The following PCCA variants were observed in gnomAD, a reference collection of about 807,000 sequenced individuals.
The protein encoded by PCCA is propionyl-CoA carboxylase alpha chain, mitochondrial.
Under a neutral mutation model 101.3 loss-of-function variants are expected in PCCA, and 74 were observed. The observed-to-expected ratio is 0.73, with a 90% CI of 0.61 to 0.89. The LOEUF (loss-of-function observed/expected upper bound fraction) is 0.89. Among genes scored for constraint, PCCA ranks in the 40% least tolerant of loss-of-function variants. PCCA has a pLI of 0.00. For synonymous variants in PCCA, 294 were observed against 313.6 expected, an observed-to-expected ratio of 0.94 and a Z score of 0.66; for missense variants, 891 against 907.0, an observed-to-expected ratio of 0.98 and a Z score of 0.23.
At chr13:100,459,227 A>AT (rs2082011898) in intron 21 of PCCA, among the ~76,000 whole-genome samples, 1 of 152,154 alleles carries the variant, frequency 6.6e-6, no homozygotes, top group Non-Finnish European at 1.5e-5. Context: ...CATTTAACTC[A>AT]TTATGTCTGC....
At chr13:100,456,645 T>TA (rs1371429214) in intron 21 of PCCA, among the ~76,000 whole-genome samples, 1 of 128,254 alleles carries the variant, frequency 7.8e-6, no homozygotes, top group African/African-American at 3.8e-5. Flanking sequence ...CCCTCTTAGG[T>TA]AGCCGAAGCT....
Position 100,301,589 on chromosome 13 carries a change from C to G in PCCA, c.1195C>G (p.Arg399Gly), listed in dbSNP as rs1234167788. ...IRINGWAVEC[R>G]VYAEDPYKSF... ...CATCAACGGCTGGGCAGTTGAATGTCGGGTTTATGCTGAGGTAAAATGAAT... is the reference window on the plus strand; with the variant it reads ...CATCAACGGCTGGGCAGTTGAATGTGGGGTTTATGCTGAGGTAAAATGAAT... Residue 399 changes from arginine (R) to glycine (G), a missense_variant, in exon 13 of 24, where the codon CGG (arginine) becomes GGG (glycine). Physicochemically the swap from Arg to Gly is moderately radical, Grantham distance 125. Transcript: ENST00000376285. 2 of 1,613,914 alleles carry G rather than the reference C, an allele frequency of 1.2e-6. No individual in the cohort carries two copies. Among genetic ancestry groups the G allele is most frequent in the Admixed American group, 1.7e-5 (1 of 59,998 alleles).
intron 21 of PCCA, among the ~76,000 whole-genome samples, chr13:100,487,624 A>C (rs1381021470): frequency 1.3e-5 from 2 of 152,194 alleles, no homozygotes; most frequent in Non-Finnish European, 2.9e-5. Context: ...TCTCAAATGG[A>C]ATTTGACCAC....
chr13:100,302,695 A>G (rs1391628552), intron 13 of PCCA, among the ~76,000 whole-genome samples: 4 of 152,326 alleles, frequency 2.6e-5, no homozygotes, highest in African/African-American at 9.6e-5. Context: ...ACCAATTTCA[A>G]TAAAGTATGA....
At chr13:100,253,572 A>T (rs1175901317) in intron 8 of PCCA, among the ~76,000 whole-genome samples, 1 of 152,242 alleles carries the variant, frequency 6.6e-6, no homozygotes, top group African/African-American at 2.4e-5. Context: ...AACTGAGTCC[A>T]GAAAAGTAGC....
intron 4 of PCCA, among the ~76,000 whole-genome samples, chr13:100,112,733 T>C (rs1000241648): frequency 6.6e-6 from 1 of 152,020 alleles, no homozygotes; most frequent in African/African-American, 2.4e-5. Context: ...CCTGCCATCA[T>C]GCCTGGCTGA....
chr13:100,497,025 G>A (rs977948674), intron 21 of PCCA, among the ~76,000 whole-genome samples: 1 of 152,172 alleles, frequency 6.6e-6, no homozygotes, highest in Admixed American at 6.5e-5. Context: ...ACGGGAGGCT[G>A]GAAGCAAAGG....
chr13:100,375,881 T>C (rs1368696636), intron 19 of PCCA, among the ~76,000 whole-genome samples: 3 of 152,208 alleles, frequency 2.0e-5, no homozygotes, highest in African/African-American at 7.2e-5. Context: ...AACAGTGTGC[T>C]GTATTCAGGA....
chr13:100,378,923 A>T (rs192975605), intron 19 of PCCA, among the ~76,000 whole-genome samples: 41 of 151,892 alleles, frequency 2.7e-4, no homozygotes, highest in African/African-American at 9.2e-4. Flanking sequence ...CTGGAATGTG[A>T]ATTTCTTTTG....
At chr13:100,282,853 C>T (rs2064249643) in intron 12 of PCCA, among the ~76,000 whole-genome samples, 1 of 152,148 alleles carries the variant, frequency 6.6e-6, no homozygotes. Context: ...ACCCCCATAT[C>T]CTAGCCTCCC....
intron 12 of PCCA, 63 bp downstream of exon 12, chr13:100,273,409 T>A (rs971941436): frequency 7.5e-7 from 1 of 1,326,826 alleles, no homozygotes; most frequent in Non-Finnish European, 1.1e-6. Context: ...TTCTCCACCC[T>A]TTTTTGTTTT....
At chr13:100,483,103 C>T (rs1232366448) in intron 21 of PCCA, among the ~76,000 whole-genome samples, 1 of 152,054 alleles carries the variant, frequency 6.6e-6, no homozygotes, top group Non-Finnish European at 1.5e-5. Flanking sequence ...TTCCTGAATT[C>T]ATCACTTAAA....
chr13:100,124,277 A>G (rs970737895), intron 4 of PCCA, among the ~76,000 whole-genome samples: 4 of 152,192 alleles, frequency 2.6e-5, no homozygotes, highest in Non-Finnish European at 4.4e-5. Context: ...TTCTCTATCT[A>G]CGTTCCTAAA....
intron 21 of PCCA, chr13:100,490,333 A>G (rs1444589086): frequency 1.3e-5 from 2 of 152,286 alleles, no homozygotes; most frequent in Admixed American, 6.5e-5. Context: ...AATTTTCCTC[A>G]TGAAAATGGT....
intron 21 of PCCA, among the ~76,000 whole-genome samples, chr13:100,509,213 G>C (rs527656488): frequency 3.9e-5 from 6 of 152,198 alleles, no homozygotes; most frequent in African/African-American, 1.4e-4. Context: ...AACTGTTACC[G>C]TGACGCTGAG....
chr13:100,364,633 A>G (rs1287671280), intron 18 of PCCA, among the ~76,000 whole-genome samples: 1 of 152,214 alleles, frequency 6.6e-6, no homozygotes, highest in East Asian at 1.9e-4. Context: ...ATCTTTGCAA[A>G]TTTTGTTTGT....
intron 1 of PCCA, among the ~76,000 whole-genome samples, chr13:100,093,241 G>A (rs2046437291): frequency 6.6e-6 from 1 of 152,164 alleles, no homozygotes; most frequent in Non-Finnish European, 1.5e-5. Context: ...GCTGGCTTTT[G>A]GGCCAGGGAT....
intron 12 of PCCA, among the ~76,000 whole-genome samples, chr13:100,284,970 A>G (rs2152637697): frequency 6.6e-6 from 1 of 152,278 alleles, no homozygotes; most frequent in African/African-American, 2.4e-5. Flanking sequence ...CCAGCAGGCT[A>G]CTCTAGATCT....
At chr13:100,447,909 G>A (rs1268078857) in intron 20 of PCCA, among the ~76,000 whole-genome samples, 1 of 152,138 alleles carries the variant, frequency 6.6e-6, no homozygotes, top group Non-Finnish European at 1.5e-5. Context: ...TTCACTCTGG[G>A]TTCTATTACT....
Sources: allele counts gnomAD v4.1 joint callset (sites outside exome capture counted in the v4.1 genomes callset), GRCh38; gene constraint gnomAD v4.1.1; transcripts MANE v1.5; gene names NCBI Gene and HGNC (gene_info 2026-07-23, HGNC 2026-07-21).